Variants in CADPS2 observed in about 807,000 individuals in gnomAD.
CADPS2 encodes calcium dependent secretion activator 2.
Under a neutral mutation model 172.5 loss-of-function variants are expected in CADPS2, and 93 were observed. The observed-to-expected ratio is 0.54, with a 90% CI of 0.46 to 0.64. The LOEUF is 0.64. CADPS2 is among the 30% of genes least tolerant of loss of function. The pLI is 0.00. For missense variants in CADPS2, 1,420 were observed against 1,565.9 expected, an observed-to-expected ratio of 0.91 and a Z score of 1.57; for synonymous variants, 546 against 555.2, an observed-to-expected ratio of 0.98 and a Z score of 0.23.
intron 18 of CADPS2, 140 bp downstream of exon 18, chr7:122,415,921 A>C (rs778184446): frequency 4.2e-6 from 2 of 479,654 alleles, no homozygotes; most frequent in Non-Finnish European, 7.5e-6. Context: ...GATGCAGTGA[A>C]ACACTGCTTA....
chr7:122,438,675 C>T (rs1405704063), intron 16 of CADPS2, among the ~76,000 whole-genome samples: 1 of 152,048 alleles, frequency 6.6e-6, no homozygotes, highest in Non-Finnish European at 1.5e-5. Flanking sequence ...ATCCTCCCAC[C>T]TTAGCTCCTC....
At chr7:122,371,453 A>C (rs527840522) in intron 25 of CADPS2, among the ~76,000 whole-genome samples, 13 of 152,242 alleles carry the variant, frequency 8.5e-5, no homozygotes, top group African/African-American at 3.1e-4. Flanking sequence ...TGCTTATAAA[A>C]CCATCAGATC....
At chr7:122,719,770 G>A (rs1451907212) in intron 2 of CADPS2, among the ~76,000 whole-genome samples, 1 of 151,386 alleles carries the variant, frequency 6.6e-6, no homozygotes, top group Non-Finnish European at 1.5e-5. Context: ...AGTATATAAA[G>A]AATTAAATAT....
intron 27 of CADPS2, among the ~76,000 whole-genome samples, chr7:122,358,390 T>C (rs1358230495): frequency 2.0e-5 from 3 of 152,160 alleles, no homozygotes; most frequent in Non-Finnish European, 4.4e-5. Flanking sequence ...ATATGTGTTT[T>C]GTAAATAGTT....
chr7:122,779,046 G>A (rs1293056795), intron 1 of CADPS2, among the ~76,000 whole-genome samples: 1 of 152,168 alleles, frequency 6.6e-6, no homozygotes, highest in Non-Finnish European at 1.5e-5. Context: ...CAGTCCCTCT[G>A]CACACACTCT....
intron 1 of CADPS2, among the ~76,000 whole-genome samples, chr7:122,765,790 A>G (rs1236173383): frequency 6.6e-6 from 1 of 152,090 alleles, no homozygotes; most frequent in Non-Finnish European, 1.5e-5. Flanking sequence ...TCTCTATTTT[A>G]TAGTTGAGAA....
intron 1 of CADPS2, among the ~76,000 whole-genome samples, chr7:122,805,965 T>C (rs1448930000): frequency 2.6e-5 from 4 of 152,210 alleles, no homozygotes; most frequent in Non-Finnish European, 5.9e-5. Context: ...GCCCTTTCTC[T>C]GTTAAGTAGG....
At chr7:122,614,953 C>T (rs2074727949) in intron 6 of CADPS2, among the ~76,000 whole-genome samples, 1 of 152,138 alleles carries the variant, frequency 6.6e-6, no homozygotes, top group Admixed American at 6.6e-5. Context: ...TTTGCATTTG[C>T]ATGTTGGATT....
intron 25 of CADPS2, among the ~76,000 whole-genome samples, chr7:122,365,598 T>C (rs1035386498): frequency 2.0e-5 from 3 of 152,192 alleles, no homozygotes; most frequent in African/African-American, 4.8e-5. Context: ...TCAGGGAGTA[T>C]ATAAACACTT....
chr7:122,876,652 T>C lies in CADPS2; in HGVS notation c.339+9347A>G, dbSNP rs746353979. The stretch of plus-strand genomic sequence containing the variant: ...TGCTGGGATTACATGTATTAGCCAC[T>C]GCACTCCACCATTTTATATATATAC... On this transcript the variant is annotated intron_variant, in intron 1 of 29. Transcript: ENST00000449022. Among the ~76,000 whole-genome samples, 4 of 152,142 alleles carry C rather than the reference T, an allele frequency of 2.6e-5. No homozygotes were observed. The East Asian group carries it at 7.7e-4, about 29-fold the overall frequency.
intron 24 of CADPS2, among the ~76,000 whole-genome samples, chr7:122,380,499 A>C (rs2042868977): frequency 6.6e-6 from 1 of 152,022 alleles, no homozygotes; most frequent in Non-Finnish European, 1.5e-5. Flanking sequence ...CATGTCTCAA[A>C]GTTTCCACAC....
At chr7:122,494,362 T>C (rs947246663) in intron 9 of CADPS2, among the ~76,000 whole-genome samples, 1 of 152,210 alleles carries the variant, frequency 6.6e-6, no homozygotes, top group Non-Finnish European at 1.5e-5. Flanking sequence ...CACTGCAGTA[T>C]TGCATATAAG....
At chr7:122,455,546 T>A (rs957890962) in intron 14 of CADPS2, among the ~76,000 whole-genome samples, 5 of 152,060 alleles carry the variant, frequency 3.3e-5, no homozygotes, top group African/African-American at 1.2e-4. Flanking sequence ...CCAGATGGCA[T>A]ATTGTTGATA....
chr7:122,488,719 T>C (rs1032976496), intron 11 of CADPS2, among the ~76,000 whole-genome samples: 82 of 152,348 alleles, frequency 5.4e-4, no homozygotes, highest in African/African-American at 1.9e-3. Context: ...ATGGATCACA[T>C]GGAAGAAGAG....
intron 3 of CADPS2, among the ~76,000 whole-genome samples, chr7:122,651,796 T>C (rs1223021556): frequency 6.6e-6 from 1 of 152,204 alleles, no homozygotes; most frequent in Non-Finnish European, 1.5e-5. Flanking sequence ...CTATAAAATT[T>C]AGTTACTTAA....
In CADPS2 at chr7:122,885,944, G is replaced by A. The variant is rs1372931004; in HGVS notation, c.339+55C>T. 32 of 1,558,780 alleles carry A rather than the reference G, an allele frequency of 2.1e-5. No homozygotes were observed. In the Admixed American group the frequency reaches 2.6e-4, roughly 13 times the overall value. ...ACGGGAGGCGTCCCAGAGCTCTCCCGGGAGAAAAACCCAGGGAGAAGTGGT... is the reference window on the plus strand; with the variant it reads ...ACGGGAGGCGTCCCAGAGCTCTCCCAGGAGAAAAACCCAGGGAGAAGTGGT... On this transcript the variant is annotated intron_variant, in intron 1 of 29. Transcript: ENST00000449022.
intron 1 of CADPS2, among the ~76,000 whole-genome samples, chr7:122,777,835 C>G (rs998110845): frequency 6.6e-6 from 1 of 152,086 alleles, no homozygotes; most frequent in African/African-American, 2.4e-5. Flanking sequence ...TTATAAATTA[C>G]CCAGTCTCAC....
At chr7:122,595,184 T>G (rs1208724717) in intron 6 of CADPS2, among the ~76,000 whole-genome samples, 1 of 151,682 alleles carries the variant, frequency 6.6e-6, no homozygotes, top group Non-Finnish European at 1.5e-5. Context: ...TCCTTTCAAA[T>G]GTAACATAAT....
intron 1 of CADPS2, among the ~76,000 whole-genome samples, chr7:122,778,912 G>A (rs1324901426): frequency 6.6e-6 from 1 of 152,174 alleles, no homozygotes; most frequent in Non-Finnish European, 1.5e-5. Flanking sequence ...ATCTTGAATT[G>A]TAGATCCCCA....
Sources: allele counts gnomAD v4.1 joint callset (sites outside exome capture counted in the v4.1 genomes callset), GRCh38; gene constraint gnomAD v4.1.1; transcripts MANE v1.5; gene names NCBI Gene and HGNC (gene_info 2026-07-23, HGNC 2026-07-21).